Variants in GRM5 observed in about 807,000 individuals in gnomAD.
The protein encoded by GRM5 is metabotropic glutamate receptor 5.
Under a neutral mutation model 83.1 loss-of-function variants are expected in GRM5, and 19 were observed. The observed-to-expected ratio is 0.23, with a 90% CI of 0.16 to 0.34. The LOEUF (loss-of-function observed/expected upper bound fraction) is 0.34. Among genes scored for constraint, GRM5 ranks in the 10% least tolerant of loss-of-function variants. The probability of loss-of-function intolerance (pLI) is 1.00; values close to 1 mark genes in which losing one functional copy is unlikely to be tolerated. For missense variants in GRM5, 1,160 were observed against 1,588.3 expected, an observed-to-expected ratio of 0.73 and a Z score of 4.58; for synonymous variants, 675 against 633.6, an observed-to-expected ratio of 1.07 and a Z score of -0.98.
intron 2 of GRM5, among the ~76,000 whole-genome samples, chr11:89,034,885 G>C (rs568961221): frequency 7.1e-6 from 1 of 141,758 alleles, no homozygotes; most frequent in South Asian, 2.2e-4. Flanking sequence ...TTAGGTATAA[G>C]AGGCTTTGCT....
At chr11:88,535,625 T>G (rs1033503700) in intron 8 of GRM5, among the ~76,000 whole-genome samples, 4 of 152,228 alleles carry the variant, frequency 2.6e-5, no homozygotes, top group Non-Finnish European at 5.9e-5. Context: ...GGTTATAGAC[T>G]TTCTGAGGCT....
intron 3 of GRM5, among the ~76,000 whole-genome samples, chr11:88,733,810 A>G (rs1361976313): frequency 3.3e-5 from 5 of 152,000 alleles, no homozygotes; most frequent in Admixed American, 6.6e-5. Flanking sequence ...GTGCAAGGAC[A>G]TTAATAAACT....
At chr11:89,016,012 T>C (rs191421027) in intron 2 of GRM5, among the ~76,000 whole-genome samples, 60 of 152,162 alleles carry the variant, frequency 3.9e-4, no homozygotes, top group Admixed American at 3.5e-3. Flanking sequence ...AGATTGCAGA[T>C]ATTGAAACAA....
chr11:89,026,135 G>T (rs566952704), intron 2 of GRM5, among the ~76,000 whole-genome samples: 44 of 152,246 alleles, frequency 2.9e-4, no homozygotes. Context: ...CACAAAGAAG[G>T]GAACAATAGA....
intron 2 of GRM5, among the ~76,000 whole-genome samples, chr11:88,970,284 A>C (rs1207693475): frequency 6.6e-6 from 1 of 152,142 alleles, no homozygotes; most frequent in Non-Finnish European, 1.5e-5. Flanking sequence ...GCTCTGCTTC[A>C]CATAGCATAA....
chr11:89,009,065 C>T (rs1471365079), intron 2 of GRM5: 1 of 745,330 alleles, frequency 1.3e-6, no homozygotes, highest in African/African-American at 1.7e-5. Flanking sequence ...TGTCTGATCC[C>T]TCTTACGCAT....
intron 3 of GRM5, among the ~76,000 whole-genome samples, chr11:88,732,748 T>G (rs1022757292): frequency 6.6e-6 from 1 of 151,976 alleles, no homozygotes; most frequent in African/African-American, 2.4e-5. Context: ...CTCTTTACCA[T>G]GCAAAATTTT....
At chr11:88,788,326 G>C (rs993936285) in intron 3 of GRM5, among the ~76,000 whole-genome samples, 1 of 152,076 alleles carries the variant, frequency 6.6e-6, no homozygotes, top group East Asian at 1.9e-4. Flanking sequence ...TATTGTAAGA[G>C]GAAATATGAA....
chr11:88,905,491 AT>A (rs1327368613), intron 2 of GRM5, among the ~76,000 whole-genome samples: 1 of 152,038 alleles, frequency 6.6e-6, no homozygotes, highest in Non-Finnish European at 1.5e-5. Flanking sequence ...ATGGGTGCCC[AT>A]CATTACACCT....
chr11:88,975,679 T>A (rs1033669226), intron 2 of GRM5, among the ~76,000 whole-genome samples: 5 of 152,226 alleles, frequency 3.3e-5, no homozygotes, highest in African/African-American at 1.2e-4. Context: ...TTTAACATTA[T>A]CCCCAGTTGA....
intron 2 of GRM5, among the ~76,000 whole-genome samples, chr11:89,000,672 G>T (rs114885253): frequency 1.3e-5 from 2 of 151,910 alleles, no homozygotes; most frequent in East Asian, 3.9e-4. Flanking sequence ...CCAAATACAA[G>T]ATTAATAAAA....
intron 2 of GRM5, among the ~76,000 whole-genome samples, chr11:88,872,047 A>T (rs1299895873): frequency 6.6e-6 from 1 of 151,512 alleles, no homozygotes; most frequent in Non-Finnish European, 1.5e-5. Flanking sequence ...TCTAATTATC[A>T]TTCAACTAAC....
chr11:88,604,285 C>G lies in GRM5; in HGVS notation c.1394+433G>C, dbSNP rs118124606. Among the ~76,000 whole-genome samples, 194 of 152,214 alleles carry G rather than the reference C, an allele frequency of 1.3e-3. 1 individual carries two copies. In the Middle Eastern group the frequency reaches 0.017, roughly 13 times the overall value. On this transcript the variant is annotated intron_variant, in intron 5 of 9. Coordinates refer to ENST00000305447, the MANE Select transcript of GRM5 (RefSeq NM_001143831.3). ...TGTGACTTATAATTCACTTGCTGTA[C>G]GTACAGCAAACAACAGAACAGAACC...
chr11:88,522,981 G>C (rs999859646), intron 9 of GRM5: 1 of 151,998 alleles, frequency 6.6e-6, no homozygotes, highest in African/African-American at 2.4e-5. Flanking sequence ...TGTTTATCTG[G>C]GATCTCCTAC....
At chr11:88,992,142 C>A (rs1296620619) in intron 2 of GRM5, among the ~76,000 whole-genome samples, 2 of 151,862 alleles carry the variant, frequency 1.3e-5, no homozygotes, top group African/African-American at 4.8e-5. Context: ...ATATCCAGAA[C>A]CTACAATGAA....
Position 88,773,061 on chromosome 11 carries a change from C to A in GRM5, c.911+76845G>T, listed in dbSNP as rs1237081413. Among the ~76,000 whole-genome samples the A allele has an allele frequency of 3.3e-5, 5 of 152,288 alleles. No individual in the cohort carries two copies. The East Asian group carries it at 7.7e-4, about 24-fold the overall frequency. ...CAATGGTGGAACTAATTTACACTCCCACCAACAGTGTAAAAGCATTCCTAT... is the reference window on the plus strand; with the variant it reads ...CAATGGTGGAACTAATTTACACTCCAACCAACAGTGTAAAAGCATTCCTAT... On this transcript the variant is annotated intron_variant, in intron 3 of 9. Coordinates refer to ENST00000305447, the MANE Select transcript of GRM5 (RefSeq NM_001143831.3).
At chr11:88,971,039 A>C (rs1242310801) in intron 2 of GRM5, among the ~76,000 whole-genome samples, 1 of 152,152 alleles carries the variant, frequency 6.6e-6, no homozygotes, top group African/African-American at 2.4e-5. Flanking sequence ...GGAGTTTGTT[A>C]ACAACGGCAG....
chr11:89,065,031 G>C (rs1942071958), intron 1 of GRM5, among the ~76,000 whole-genome samples: 1 of 150,690 alleles, frequency 6.6e-6, no homozygotes, highest in Non-Finnish European at 1.5e-5. Flanking sequence ...ATGAACTTGA[G>C]TTTATAGGTC....
chr11:88,816,688 A>G (rs1565244743), intron 3 of GRM5, among the ~76,000 whole-genome samples: 1 of 151,606 alleles, frequency 6.6e-6, no homozygotes, highest in Non-Finnish European at 1.5e-5. Context: ...AGTGAATCAA[A>G]AAAGCTAGTT....
Sources: allele counts gnomAD v4.1 joint callset (sites outside exome capture counted in the v4.1 genomes callset), GRCh38; gene constraint gnomAD v4.1.1; transcripts MANE v1.5; gene names NCBI Gene and HGNC (gene_info 2026-07-23, HGNC 2026-07-21).